CHN1: variants seen among roughly 807,000 people sequenced by gnomAD.
CHN1 encodes chimerin 1.
In CHN1, 37 loss-of-function variants were observed where a neutral mutation model predicts 59.5. The ratio of observed to expected loss-of-function variants is 0.62; its 90% confidence interval spans 0.48 to 0.82. CHN1 has a LOEUF of 0.82. Ranked by LOEUF, CHN1 falls within the 40% of genes least tolerant of loss-of-function variation. The pLI is 0.00. For synonymous variants in CHN1, 206 were observed against 200.4 expected (o/e 1.03, Z -0.24); for missense variants, 469 against 571.0 (o/e 0.82, Z 1.82).
intron 2 of CHN1, among the ~76,000 whole-genome samples, chr2:174,947,458 A>ATCTATC (rs1253891778): frequency 6.6e-6 from 1 of 151,162 alleles, no homozygotes; most frequent in Non-Finnish European, 1.5e-5. Context: ...CTAACAGTTA[A>ATCTATC]TCTATCTTTA....
intron 8 of CHN1, among the ~76,000 whole-genome samples, chr2:174,819,365 A>G (rs1029633221): frequency 6.6e-6 from 1 of 152,256 alleles, no homozygotes; most frequent in African/African-American, 2.4e-5. Context: ...GGAGGCAGCA[A>G]TGATAATGAT....
chr2:174,892,406 T>A (rs895753134), intron 5 of CHN1, among the ~76,000 whole-genome samples: 1 of 152,184 alleles, frequency 6.6e-6, no homozygotes, highest in Admixed American at 6.5e-5. Flanking sequence ...TTTCACAATG[T>A]GAGAACACAG....
chr2:174,800,091 TTTC>T lies in CHN1; in HGVS notation c.*22_*24del. On this transcript the variant is annotated 3_prime_UTR_variant, in exon 13 of 13. Transcript: ENST00000409900. The stretch of plus-strand genomic sequence containing the variant: ...AAAACATTCCTTCATCTGTAAAACA[TTTC>T]TTTTCCCCTCAAATTAAAAATTTAA... 1 of 1,523,294 alleles carries T rather than the reference TTTC, an allele frequency of 6.6e-7. No individual in the cohort carries two copies. The highest frequency in any genetic ancestry group is 8.8e-7 in the Non-Finnish European group (1 of 1,133,690). 94.4% of individuals were successfully genotyped at this position (1,523,294 alleles called of 1,614,324 possible). A position where few individuals can be genotyped will look rare whatever the true frequency, so the allele number is the denominator to read the frequency against.
chr2:174,909,139 T>C (rs947861331), intron 5 of CHN1, among the ~76,000 whole-genome samples: 1 of 152,168 alleles, frequency 6.6e-6, no homozygotes, highest in African/African-American at 2.4e-5. Context: ...TAGTAAGAGA[T>C]TGACCAGAGC....
chr2:174,944,813 G>A, intron 3 of CHN1, 75 bp downstream of exon 3: 1 of 980,982 alleles, frequency 1.0e-6, no homozygotes, highest in Non-Finnish European at 1.6e-6. Flanking sequence ...AAACAACCAA[G>A]CCACTGAAGA....
At chr2:174,902,530 T>G (rs1688419083) in intron 5 of CHN1, among the ~76,000 whole-genome samples, 1 of 152,194 alleles carries the variant, frequency 6.6e-6, no homozygotes, top group African/African-American at 2.4e-5. Context: ...ATCTTAAAAT[T>G]TTCCCATAAA....
intron 1 of CHN1, among the ~76,000 whole-genome samples, chr2:174,978,261 A>T (rs1365048051): frequency 6.6e-6 from 1 of 152,226 alleles, no homozygotes; most frequent in Non-Finnish European, 1.5e-5. Flanking sequence ...TCTAGGTTTT[A>T]AAAACATCTT....
chr2:174,987,303 T>C (rs1328860225), intron 1 of CHN1, among the ~76,000 whole-genome samples: 2 of 152,010 alleles, frequency 1.3e-5, no homozygotes, highest in African/African-American at 2.4e-5. Flanking sequence ...TTATTTCACA[T>C]AGCAAGAAAG....
intron 8 of CHN1, among the ~76,000 whole-genome samples, 178 bp from the exon 9 acceptor site, chr2:174,812,660 T>C (rs1685115641): frequency 6.6e-6 from 1 of 152,192 alleles, no homozygotes; most frequent in Non-Finnish European, 1.5e-5. Context: ...TTGGAACAAT[T>C]TGATTATAAG....
intron 1 of CHN1, among the ~76,000 whole-genome samples, chr2:174,985,773 T>C (rs1691318777): frequency 6.6e-6 from 1 of 152,192 alleles, no homozygotes; most frequent in South Asian, 2.1e-4. Flanking sequence ...CTAAAGCTTC[T>C]AGAAATCTAA....
chr2:174,929,277 CT>C (rs1213263124), intron 3 of CHN1, among the ~76,000 whole-genome samples: 1 of 152,064 alleles, frequency 6.6e-6, no homozygotes, highest in Non-Finnish European at 1.5e-5. Context: ...CCTATAAATA[CT>C]ACTTAATAAC....
chr2:174,875,774 T>G, intron 6 of CHN1: 1 of 977,804 alleles, frequency 1.0e-6, no homozygotes, highest in South Asian at 4.7e-5. Flanking sequence ...TTAAACATGA[T>G]TGTCTTTACT....
chr2:174,904,016 A>G (rs1438845495), intron 5 of CHN1, among the ~76,000 whole-genome samples: 6 of 152,272 alleles, frequency 3.9e-5, no homozygotes, highest in African/African-American at 1.4e-4. Flanking sequence ...TAATCCCGGC[A>G]CTTTTGGAGG....
intron 5 of CHN1, among the ~76,000 whole-genome samples, chr2:174,895,568 A>G (rs1688194840): frequency 6.6e-6 from 1 of 152,162 alleles, no homozygotes; most frequent in South Asian, 2.1e-4. Context: ...AAAAAGATAA[A>G]TAAGCAAGTT....
At chr2:174,869,899 TAAG>T (rs1488673538) in intron 6 of CHN1, among the ~76,000 whole-genome samples, 2 of 152,134 alleles carry the variant, frequency 1.3e-5, no homozygotes, top group African/African-American at 4.8e-5. Flanking sequence ...TAAAATCTCT[TAAG>T]AAGGTGCTAA....
chr2:175,002,138 CAG>C (rs1691910065), intron 1 of CHN1, among the ~76,000 whole-genome samples: 1 of 152,290 alleles, frequency 6.6e-6, no homozygotes, highest in East Asian at 1.9e-4. Flanking sequence ...GGTGAGCGAG[CAG>C]AGTCTGTAAT....
chr2:174,805,524 C>G (rs1030802047), intron 11 of CHN1, among the ~76,000 whole-genome samples: 1 of 152,146 alleles, frequency 6.6e-6, no homozygotes, highest in Non-Finnish European at 1.5e-5. Context: ...GTAATTACAA[C>G]CTTCCAGCAT....
chr2:174,806,161 C>T (rs982293183), intron 11 of CHN1, among the ~76,000 whole-genome samples: 1 of 152,036 alleles, frequency 6.6e-6, no homozygotes, highest in African/African-American at 2.4e-5. Context: ...GGTGAGTGAA[C>T]ACAGACTTCA....
chr2:174,908,085 C>T (rs947889211), intron 5 of CHN1, among the ~76,000 whole-genome samples: 2 of 152,086 alleles, frequency 1.3e-5, no homozygotes, highest in Non-Finnish European at 2.9e-5. Context: ...CTGAAATATC[C>T]AGATACAGGG....
Sources: gnomAD v4.1 joint callset for allele counts (sites outside exome capture counted in the v4.1 genomes callset) on GRCh38, gnomAD v4.1.1 for gene constraint, MANE v1.5 for transcripts, NCBI Gene and HGNC (gene_info 2026-07-23, HGNC 2026-07-21) for gene names.